KDM4C: variants seen among roughly 807,000 people sequenced by gnomAD.
KDM4C encodes the protein lysine demethylase 4C.
Under a neutral mutation model 129.3 loss-of-function variants are expected in KDM4C, and 81 were observed. That is an observed-to-expected ratio of 0.63 (90% confidence interval 0.52 to 0.75). The LOEUF (loss-of-function observed/expected upper bound fraction) is 0.75, where lower values mean the gene tolerates loss of function less well. Ranked by LOEUF, KDM4C falls within the 30% of genes least tolerant of loss-of-function variation. The pLI, the probability that KDM4C is intolerant of heterozygous loss-of-function variation, is 0.00. For missense variants in KDM4C, 1,457 were observed against 1,304.0 expected (o/e 1.12, Z -1.81); for synonymous variants, 573 against 456.1 (o/e 1.26, Z -3.26).
chr9:6,828,599 G>GGTGGCTCACGCCTGTAATCCCAGTACTTT (rs1273519536), intron 4 of KDM4C, among the ~76,000 whole-genome samples: 8,223 of 151,892 alleles, frequency 0.054, 750 homozygotes, highest in African/African-American at 0.19. Context: ...GGCCAGGTGC[G>GGTGGCTCACGCCTGTAATCCCAGTACTTT]GTGGCTCACG....
chr9:6,802,870 G>A (rs1416114146), intron 2 of KDM4C, among the ~76,000 whole-genome samples: 1 of 152,238 alleles, frequency 6.6e-6, no homozygotes, highest in Non-Finnish European at 1.5e-5. Context: ...GCCTCCCAAA[G>A]TGCTGGGATT....
intron 17 of KDM4C, chr9:7,076,390 A>T: frequency 7.4e-7 from 1 of 1,346,968 alleles, no homozygotes; most frequent in South Asian, 1.3e-5. Flanking sequence ...AATTTATTAA[A>T]ATCTGGCATA....
At chr9:7,017,924 A>C (rs1266817646) in intron 15 of KDM4C, among the ~76,000 whole-genome samples, 1 of 152,132 alleles carries the variant, frequency 6.6e-6, no homozygotes, top group East Asian at 1.9e-4. Context: ...CACTTTGGGG[A>C]GTGAAAGAAG....
At chr9:6,731,694 C>G (rs1351456813) in intron 1 of KDM4C, among the ~76,000 whole-genome samples, 1 of 152,102 alleles carries the variant, frequency 6.6e-6, no homozygotes, top group African/African-American at 2.4e-5. Flanking sequence ...CAGTTCAAAA[C>G]AATGGCCTTC....
chr9:7,010,976 G>C (rs1055601247), intron 12 of KDM4C, among the ~76,000 whole-genome samples: 2 of 152,208 alleles, frequency 1.3e-5, no homozygotes, highest in East Asian at 3.9e-4. Flanking sequence ...CCCTGGAGGC[G>C]GTGGTTGCAG....
chr9:6,855,458 C>CAAAA lies in KDM4C; in HGVS notation c.629+5782_629+5785dup, dbSNP rs34177301. Among the ~76,000 whole-genome samples, 166 of 70,008 alleles carry CAAAA rather than the reference C, an allele frequency of 2.4e-3. 7 individuals carry two copies. The highest frequency in any genetic ancestry group is 3.8e-3 in the Non-Finnish European group (124 of 32,944). 45.9% of individuals were successfully genotyped at this position (70,008 alleles called of 152,430 possible). Reference sequence around the variant, plus strand: ...TGGGGAACACAGTGAGACTCCGTCTCAAAAAAAAAAAAAAAAAAAAAAAAA... The same window carrying CAAAA: ...TGGGGAACACAGTGAGACTCCGTCTCAAAAAAAAAAAAAAAAAAAAAAAAAAAAA... On this transcript the variant is annotated intron_variant, in intron 5 of 21. Coordinates refer to ENST00000381309, the MANE Select transcript of KDM4C (RefSeq NM_015061.6).
At chr9:6,981,895 A>G (rs1176469509) in intron 9 of KDM4C, 1 of 254,220 alleles carries the variant, frequency 3.9e-6, no homozygotes, top group Admixed American at 3.6e-5. Context: ...AAGGAAAAGA[A>G]TAATGAAGGA....
At chr9:6,737,877 T>C (rs1817576038) in intron 1 of KDM4C, among the ~76,000 whole-genome samples, 5 of 149,722 alleles carry the variant, frequency 3.3e-5, no homozygotes, top group South Asian at 2.1e-4. Flanking sequence ...TGGCTCACAC[T>C]TGTAATCCCA....
chr9:6,999,225 G>A (rs920611947), intron 12 of KDM4C, among the ~76,000 whole-genome samples: 2 of 152,162 alleles, frequency 1.3e-5, no homozygotes, highest in Non-Finnish European at 2.9e-5. Flanking sequence ...TGTTTTAACT[G>A]TATTGATGTA....
chr9:6,747,932 C>T (rs999015142), intron 1 of KDM4C, among the ~76,000 whole-genome samples: 3 of 152,180 alleles, frequency 2.0e-5, no homozygotes, highest in African/African-American at 7.2e-5. Flanking sequence ...AATCCCAGCA[C>T]TTTGGGAGGC....
intron 2 of KDM4C, among the ~76,000 whole-genome samples, chr9:6,799,010 G>A (rs920083735): frequency 1.1e-4 from 14 of 126,558 alleles, no homozygotes; most frequent in African/African-American, 4.0e-4. Flanking sequence ...ATGGGATGGC[G>A]GCCGGGAAGA....
chr9:6,999,073 G>C (rs10975959), intron 12 of KDM4C, among the ~76,000 whole-genome samples: 75,377 of 152,074 alleles, frequency 0.5, 19,318 homozygotes, highest in African/African-American at 0.55. Context: ...TCAAACAAAA[G>C]GACATTAGTT....
chr9:7,174,250 A>ACCTCGTTTTGCAAGAGC (rs58627414), intron 21 of KDM4C, among the ~76,000 whole-genome samples: 2 of 148,684 alleles, frequency 1.3e-5, no homozygotes, highest in Admixed American at 1.3e-4. Flanking sequence ...TTTGTCAAAA[A>ACCTCGTTTTGCAAGAGC]CAGAGGGGAG....
intron 21 of KDM4C, among the ~76,000 whole-genome samples, chr9:7,171,103 C>G (rs1460529856): frequency 3.9e-5 from 6 of 152,108 alleles, no homozygotes; most frequent in Non-Finnish European, 7.4e-5. Context: ...ATCCTGACAG[C>G]AGAGTAACTG....
chr9:6,922,868 ATCTCTCCCTCTCT>A (rs1273614098), intron 8 of KDM4C, among the ~76,000 whole-genome samples: 1 of 152,238 alleles, frequency 6.6e-6, no homozygotes, highest in Non-Finnish European at 1.5e-5. Context: ...AGAGATGCTT[ATCTCTCCCTCTCT>A]GACTCAAGCC....
At chr9:6,884,052 G>C (rs1844880347) in intron 6 of KDM4C, among the ~76,000 whole-genome samples, 1 of 152,156 alleles carries the variant, frequency 6.6e-6, no homozygotes, top group African/African-American at 2.4e-5. Context: ...ATGTCTAGGA[G>C]ATTAAAACAA....
chr9:7,021,956 G>A (rs1824938452), intron 15 of KDM4C, among the ~76,000 whole-genome samples: 1 of 152,110 alleles, frequency 6.6e-6, no homozygotes, highest in South Asian at 2.1e-4. Flanking sequence ...TTGAAAATGA[G>A]TTTACTGTAG....
At chr9:7,054,772 A>G (rs1339643457) in intron 17 of KDM4C, among the ~76,000 whole-genome samples, 2 of 152,226 alleles carry the variant, frequency 1.3e-5, no homozygotes, top group African/African-American at 4.8e-5. Flanking sequence ...TTTGTAAATA[A>G]GCCAGCAGAG....
At chr9:6,831,301 C>A (rs1216584704) in intron 4 of KDM4C, among the ~76,000 whole-genome samples, 3 of 152,064 alleles carry the variant, frequency 2.0e-5, no homozygotes, top group Non-Finnish European at 2.9e-5. Context: ...GTGTTGGTTC[C>A]ATGATGTCAT....
Sources: gnomAD v4.1 joint callset for allele counts (sites outside exome capture counted in the v4.1 genomes callset) on GRCh38, gnomAD v4.1.1 for gene constraint, MANE v1.5 for transcripts, NCBI Gene and HGNC (gene_info 2026-07-23, HGNC 2026-07-21) for gene names.